Variants in CEP295 observed in about 807,000 individuals in gnomAD.
CEP295 encodes centrosomal protein 295, also known as centrosomal protein of 295 kDa.
Under a neutral mutation model 291.6 loss-of-function variants are expected in CEP295, and 190 were observed. That is an observed-to-expected ratio of 0.65 (90% CI 0.58 to 0.73). The LOEUF is 0.73. Among genes scored for constraint, CEP295 ranks in the 30% least tolerant of loss-of-function variants. The pLI, the probability that CEP295 is intolerant of heterozygous loss-of-function variation, is 0.00. For missense variants in CEP295, 2,863 were observed against 2,949.4 expected (o/e 0.97, Z 0.68); for synonymous variants, 993 against 1,038.8 (o/e 0.96, Z 0.85).
rs1374415256 is a variant in CEP295, at chr11:93,697,613, C to T, written c.2701C>T (p.Pro901Ser). ...AACTCCAGATTCATCTGCTTTATTGCCTTCTGCCAAAGCAGATTTGGGGAG... is the reference window on the plus strand; with the variant it reads ...AACTCCAGATTCATCTGCTTTATTGTCTTCTGCCAAAGCAGATTTGGGGAG... ...LVTPDSSALL[P>S]SAKADLGRIQ... Residue 901 changes from proline (P) to serine (S), a missense_variant, in exon 15 of 30, where the codon CCT becomes TCT. By Grantham distance (74) the Pro-to-Ser change is moderately conservative. This residue lies in a region of CEP295 where 2,295 missense variants were observed against 2,335.7 expected (regional missense o/e 0.98). Coordinates refer to ENST00000325212, the MANE Select transcript of CEP295 (RefSeq NM_033395.2). 6.4e-7 allele frequency: 1 copy of T among 1,551,806 alleles called. No individual in the cohort carries two copies. The highest frequency in any genetic ancestry group is 8.7e-7 in the Non-Finnish European group (1 of 1,147,000).
intron 23 of CEP295, among the ~76,000 whole-genome samples, chr11:93,726,486 G>A (rs932396865): frequency 6.6e-6 from 1 of 152,342 alleles, no homozygotes; most frequent in African/African-American, 2.4e-5. Context: ...TGTAATCCTA[G>A]CACTTTGGGA....
At chr11:93,715,955 A>C (rs1270120235) in intron 18 of CEP295, among the ~76,000 whole-genome samples, 1 of 151,572 alleles carries the variant, frequency 6.6e-6, no homozygotes, top group East Asian at 1.9e-4. Flanking sequence ...GGATTAGGGG[A>C]GGGGTAGCAC....
intron 10 of CEP295, 39 bp from the exon 11 acceptor site, chr11:93,691,644 A>AT: frequency 7.7e-7 from 1 of 1,298,910 alleles, no homozygotes; most frequent in Non-Finnish European, 1.1e-6. Context: ...TTTGACAATG[A>AT]TTATATATTC....
At chr11:93,718,923 A>G (rs1953470719) in intron 18 of CEP295, among the ~76,000 whole-genome samples, 1 of 152,196 alleles carries the variant, frequency 6.6e-6, no homozygotes, top group Non-Finnish European at 1.5e-5. Context: ...AGCCTGGCCA[A>G]TATGGTGAAA....
At chr11:93,692,401 A>C (rs908578204) in intron 12 of CEP295, among the ~76,000 whole-genome samples, 1 of 152,228 alleles carries the variant, frequency 6.6e-6, no homozygotes, top group Admixed American at 6.5e-5. Flanking sequence ...TTGTCATAAT[A>C]TTAGACACTC....
Position 93,702,913 on chromosome 11 carries a change from A to T in CEP295, c.5590A>T (p.Ile1864Leu), listed in dbSNP as rs1952261959. The T allele has an allele frequency of 6.5e-7, 1 of 1,540,282 alleles. No homozygotes were observed. ...GTCACCAGCAATTGGCAGAACTTCT[A>T]TACTAGGTAAATAGATGCTTTGATA... ...VESPAIGRTS[I>L]LGKPGIYEDR... Residue 1864 changes from isoleucine (I) to leucine (L), a missense_variant, in exon 17 of 30, where the codon ATA (isoleucine) becomes TTA (leucine). This residue lies in a region of CEP295 where 2,295 missense variants were observed against 2,335.7 expected (regional missense o/e 0.98). Transcript: ENST00000325212.
intron 15 of CEP295, among the ~76,000 whole-genome samples, chr11:93,702,081 C>G (rs756087789): frequency 6.6e-6 from 1 of 152,070 alleles, no homozygotes; most frequent in African/African-American, 2.4e-5. Flanking sequence ...GCCTCAGCCT[C>G]CTAAGTAGCC....
At chr11:93,692,983 A>T (rs7937500) in intron 12 of CEP295, among the ~76,000 whole-genome samples, 1 of 149,432 alleles carries the variant, frequency 6.7e-6, no homozygotes, top group East Asian at 2.0e-4. Context: ...AAAAAAAAAA[A>T]AAAAAAACAA....
At chr11:93,676,837 C>T (rs1950717762) in intron 6 of CEP295, among the ~76,000 whole-genome samples, 1 of 151,730 alleles carries the variant, frequency 6.6e-6, no homozygotes, top group African/African-American at 2.4e-5. Context: ...TGATAGTAAC[C>T]AGAAGGCCTA....
Position 93,706,859 on chromosome 11 carries a change from G to T in CEP295, c.5711G>T (p.Gly1904Val). 1 of 1,547,600 alleles carries T rather than the reference G, an allele frequency of 6.5e-7. No homozygotes were observed. The highest frequency in any genetic ancestry group is 2.5e-5 in the East Asian group (1 of 40,798). Reference sequence around the variant, plus strand: ...CCGTTTAGTTGTCTTCAACTGGTTGGCCAAGAGAATGTCTGTGGTGATGAC... The same window carrying T: ...CCGTTTAGTTGTCTTCAACTGGTTGTCCAAGAGAATGTCTGTGGTGATGAC... ...HDPFSCLQLV[G>V]QENVCGDDYD... Residue 1904 changes from glycine to valine, a missense_variant, in exon 18 of 30, where the codon GGC (glycine) becomes GTC (valine). Gly to Val is a moderately radical substitution (Grantham distance 109). Around this residue, in one of 3 missense-constraint regions of CEP295, gnomAD observed 2,295 missense variants for 2,335.7 expected, o/e 0.98. Transcript: ENST00000325212.
Position 93,724,340 on chromosome 11 carries a change from T to G in CEP295, c.6283T>G (p.Ser2095Ala), listed in dbSNP as rs980657874. The G allele has an allele frequency of 6.5e-7, 1 of 1,550,214 alleles. No homozygotes were observed. Among genetic ancestry groups the G allele is most frequent in the Non-Finnish European group, 8.7e-7 (1 of 1,145,706 alleles). ...AGATTTTGACTTATCATCATCATCCTCTGGGATTTCTCCAGACAACAGAGA... is the reference window on the plus strand; with the variant it reads ...AGATTTTGACTTATCATCATCATCCGCTGGGATTTCTCCAGACAACAGAGA... The part of the protein sequence containing the change: ...HPDFDLSSSS[S>A]GISPDNRDFY... The change falls in exon 22 of 30, where the codon TCT (serine) becomes GCT (alanine). Residue 2095 changes from serine (S) to alanine (A), a missense_variant. By Grantham distance (99) the Ser-to-Ala change is moderately conservative. This residue lies in a region of CEP295 where 2,295 missense variants were observed against 2,335.7 expected (regional missense o/e 0.98). Coordinates refer to ENST00000325212, the MANE Select transcript of CEP295 (RefSeq NM_033395.2).
intron 12 of CEP295, 105 bp from the exon 13 acceptor site, chr11:93,695,392 T>A: frequency 1.5e-6 from 1 of 665,564 alleles, no homozygotes; most frequent in Non-Finnish European, 2.3e-6. Context: ...CTTTGAAAAT[T>A]GGTACCCTTG....
At chr11:93,701,809 G>T (rs1952180920) in intron 15 of CEP295, among the ~76,000 whole-genome samples, 1 of 151,900 alleles carries the variant, frequency 6.6e-6, no homozygotes, top group Non-Finnish European at 1.5e-5. Flanking sequence ...TTGCCATGTT[G>T]CCCAGGCTGG....
At chr11:93,674,919 G>A (rs1284534502) in intron 5 of CEP295, among the ~76,000 whole-genome samples, 1 of 152,094 alleles carries the variant, frequency 6.6e-6, no homozygotes, top group Non-Finnish European at 1.5e-5. Context: ...ACACATAGTA[G>A]GCACTTAATA....
At chr11:93,722,763 T>C (rs1953835278) in intron 20 of CEP295, 1 of 268,812 alleles carries the variant, frequency 3.7e-6, no homozygotes, top group South Asian at 5.6e-5. Flanking sequence ...GTCAATTACA[T>C]TTTTTTTTCT....
chr11:93,667,668 A>G lies in CEP295; in HGVS notation c.170A>G (p.Asn57Ser). 6.4e-7 allele frequency: 1 copy of G among 1,551,580 alleles called. No individual in the cohort carries two copies. Among genetic ancestry groups the G allele is most frequent in the South Asian group, 1.2e-5 (1 of 84,042 alleles). Residue 57 changes from asparagine to serine, a missense_variant, in exon 3 of 30, where the codon AAT becomes AGT. Physicochemically the swap from Asn to Ser is conservative, Grantham distance 46 (BLOSUM62 1). Transcript: ENST00000325212. ...QIREDIKQRR[N>S]QQFTRLAEEL... is the part of the protein sequence containing the mutation. ...AGAGAAGACATAAAACAGAGGAGAA[A>G]TCAACAATTTACACGTTTGGCAGAG...
intron 9 of CEP295, among the ~76,000 whole-genome samples, chr11:93,685,515 T>C (rs1038933892): frequency 6.6e-6 from 1 of 152,122 alleles, no homozygotes; most frequent in African/African-American, 2.4e-5. Flanking sequence ...AACGGAAGCC[T>C]AAGGTTACTA....
rs1393363248 is a variant in CEP295, at chr11:93,697,430, A to G, written c.2518A>G (p.Ile840Val). 3.2e-6 allele frequency: 5 copies of G among 1,552,144 alleles called. No individual in the cohort carries two copies. Among genetic ancestry groups the G allele is most frequent in the East Asian group, 2.4e-5 (1 of 40,934 alleles). Residue 840 changes from isoleucine (I) to valine (V), a missense_variant, in exon 15 of 30, where the codon ATC becomes GTC. Ile to Val is a conservative substitution (Grantham distance 29, BLOSUM62 3). Around this residue, in one of 3 missense-constraint regions of CEP295, gnomAD observed 2,295 missense variants for 2,335.7 expected, o/e 0.98. Coordinates refer to ENST00000325212, the MANE Select transcript of CEP295 (RefSeq NM_033395.2). ...TAGGCCTTTGCTGCCGTCAGAGAAT[A>G]TCACAGCCCAGCAAGGTAATATGAA... is the stretch of plus-strand genomic sequence containing the variant. ...HDRPLLPSENITAQQGNMKAL... is the reference protein window; with the variant it reads ...HDRPLLPSENVTAQQGNMKAL...
chr11:93,726,998 G>A lies in CEP295; in HGVS notation c.6522G>A (p.Gln2174=), dbSNP rs375894636. The A allele has an allele frequency of 3.3e-6, 5 of 1,535,350 alleles. No homozygotes were observed. The East Asian group carries it at 1.2e-4, about 38-fold the overall frequency. The change falls in exon 24 of 30, where the codon CAG becomes CAA. Residue 2174 remains glutamine (Q), a synonymous_variant. Coordinates refer to ENST00000325212, the MANE Select transcript of CEP295 (RefSeq NM_033395.2). Reference sequence around the variant, plus strand: ...CAGGATCTGAACAATGTTTTGAACAGCTTCAGCCAGAATATTCTTCACAGG... The same window carrying A: ...CAGGATCTGAACAATGTTTTGAACAACTTCAGCCAGAATATTCTTCACAGG... ...IIGGSEQCFE[Q]LQPEYSSQEE...
Sources: allele counts gnomAD v4.1 joint callset (sites outside exome capture counted in the v4.1 genomes callset), GRCh38; gene constraint gnomAD v4.1.1; regional missense constraint gnomAD v4.1.1; transcripts MANE v1.5; gene names NCBI Gene and HGNC (gene_info 2026-07-23, HGNC 2026-07-21).